The following CEP89 variants were observed in gnomAD, a reference collection of about 807,000 sequenced individuals.
The protein encoded by CEP89 is centrosomal protein of 89 kDa.
A neutral mutation model predicts 97.6 loss-of-function variants in CEP89; 95 were observed. The ratio of observed to expected loss-of-function variants is 0.97; its 90% CI spans 0.82 to 1.15. The LOEUF (loss-of-function observed/expected upper bound fraction) is 1.15. CEP89 is among the 50% of genes most tolerant of loss of function. The pLI, the probability that CEP89 is intolerant of heterozygous loss-of-function variation, is 0.00. For missense variants in CEP89, 869 were observed against 947.7 expected, an observed-to-expected ratio of 0.92 and a Z score of 1.09; for synonymous variants, 354 against 349.1, an observed-to-expected ratio of 1.01 and a Z score of -0.16.
chr19:32,900,279 T>C (rs1969737866), intron 15 of CEP89, among the ~76,000 whole-genome samples: 1 of 148,460 alleles, frequency 6.7e-6, no homozygotes, highest in East Asian at 1.9e-4. Context: ...ACAGTCTTGC[T>C]CTGTCACCCA....
intron 1 of CEP89, among the ~76,000 whole-genome samples, chr19:32,967,109 G>T (rs180735217): frequency 6.6e-6 from 1 of 152,264 alleles, no homozygotes; most frequent in African/African-American, 2.4e-5. Context: ...TTATAGGTGC[G>T]AGTGCTGCAC....
At chr19:32,940,018 A>C in intron 5 of CEP89, 133 bp from the exon 6 acceptor site, 1 of 509,710 alleles carries the variant, frequency 2.0e-6, no homozygotes, top group Admixed American at 3.9e-5. Flanking sequence ...TAAAATTCAC[A>C]GGGTCACAGG....
At chr19:32,947,545 C>CA (rs1304605174) in intron 5 of CEP89, among the ~76,000 whole-genome samples, 1 of 152,122 alleles carries the variant, frequency 6.6e-6, no homozygotes, top group African/African-American at 2.4e-5. Flanking sequence ...GGCTGGGGTA[C>CA]AATGGTGCGA....
At chr19:32,908,788 C>T (rs138059989) in intron 14 of CEP89, among the ~76,000 whole-genome samples, 13 of 152,290 alleles carry the variant, frequency 8.5e-5, no homozygotes, top group African/African-American at 2.2e-4. Flanking sequence ...CCAGCGCTCA[C>T]ACCGGGGGAA....
chr19:32,942,926 G>T (rs1487427498), intron 5 of CEP89, among the ~76,000 whole-genome samples: 1 of 150,522 alleles, frequency 6.6e-6, no homozygotes, highest in African/African-American at 2.5e-5. Context: ...CTGCACTGCA[G>T]CCTCAACCTG....
intron 17 of CEP89, among the ~76,000 whole-genome samples, chr19:32,885,262 A>G (rs1969370028): frequency 6.6e-6 from 1 of 152,188 alleles, no homozygotes; most frequent in Admixed American, 6.5e-5. Flanking sequence ...TTTACAGTTA[A>G]ATATATTCTT....
intron 1 of CEP89, chr19:32,971,448 G>T: frequency 2.1e-6 from 1 of 477,822 alleles, no homozygotes; most frequent in Non-Finnish European, 3.7e-6. Context: ...GGAGGCTAAG[G>T]AGCTCAAGAC....
chr19:32,915,070 G>C (rs1970093171), intron 14 of CEP89, among the ~76,000 whole-genome samples: 2 of 151,524 alleles, frequency 1.3e-5, no homozygotes, highest in African/African-American at 4.9e-5. Flanking sequence ...CCACTATGCT[G>C]TGCATGACCA....
At chr19:32,904,032 T>C (rs1311955272) in intron 14 of CEP89, among the ~76,000 whole-genome samples, 1 of 152,134 alleles carries the variant, frequency 6.6e-6, no homozygotes, top group Non-Finnish European at 1.5e-5. Flanking sequence ...CAGTGGCACA[T>C]GCCTGTAGTC....
At position 32,953,789 on chromosome 19, in the gene CEP89, C is replaced by G; in HGVS notation, c.318G>C (p.Gln106His). The part of the protein sequence containing the change: ...TSQLRPRPNW[Q>H]SEMGRRSSLP... The stretch of plus-strand genomic sequence containing the variant: ...AAGAAGATCTTCTTCCCATCTCACT[C>G]TGCCAATTTGGCCTGTATTAGAATA... The change falls in exon 4 of 19, where the codon CAG becomes CAC. Residue 106 changes from glutamine (Q) to histidine (H), a missense_variant. By Grantham distance (24) the Gln-to-His change is conservative (BLOSUM62 0). Transcript: ENST00000305768. The G allele has an allele frequency of 1.9e-6, 3 of 1,613,604 alleles. No homozygotes were observed. Among genetic ancestry groups the G allele is most frequent in the Non-Finnish European group, 1.7e-6 (2 of 1,179,690 alleles).
chr19:32,926,326 C>T, intron 10 of CEP89, 53 bp from the exon 11 acceptor site: 2 of 1,297,636 alleles, frequency 1.5e-6, no homozygotes, highest in Non-Finnish European at 2.2e-6. Context: ...CTAAACACAA[C>T]CAGAAAATTT....
intron 12 of CEP89, among the ~76,000 whole-genome samples, chr19:32,921,725 G>A (rs1970254168): frequency 6.6e-6 from 1 of 152,122 alleles, no homozygotes; most frequent in African/African-American, 2.4e-5. Flanking sequence ...TGTTCAAGGA[G>A]GGTGCGAGGG....
intron 1 of CEP89, chr19:32,970,837 G>T (rs1005533195): frequency 1.3e-5 from 2 of 152,090 alleles, no homozygotes; most frequent in African/African-American, 4.8e-5. Flanking sequence ...TTGAGACTTG[G>T]CAGAGTGTGA....
chr19:32,903,214 AAAC>A (rs1969819359), intron 14 of CEP89, among the ~76,000 whole-genome samples: 1 of 152,144 alleles, frequency 6.6e-6, no homozygotes, highest in Non-Finnish European at 1.5e-5. Context: ...AAAAGAAAGT[AAAC>A]AAATAAATAA....
At chr19:32,934,201 T>C (rs1029030476) in intron 7 of CEP89, among the ~76,000 whole-genome samples, 2 of 151,426 alleles carry the variant, frequency 1.3e-5, no homozygotes, top group Non-Finnish European at 2.9e-5. Context: ...TGGCAGATGC[T>C]CCCCCAGATG....
intron 4 of CEP89, among the ~76,000 whole-genome samples, chr19:32,949,548 T>A: frequency 6.6e-6 from 1 of 152,122 alleles, no homozygotes; most frequent in East Asian, 1.9e-4. Flanking sequence ...CAAGCCCAGC[T>A]AATTTTTAAA....
In CEP89 at chr19:32,924,004, C is replaced by CT. The variant is rs746080149; in HGVS notation, c.1165-463dup. The stretch of plus-strand genomic sequence containing the variant: ...GTTAGTGTGGGAGTTGGAGGAAGCT[C>CT]TTTTTTTTTTTTTTTTTTTGAGACA... On this transcript the variant is annotated intron_variant, in intron 11 of 18. Coordinates refer to ENST00000305768, the MANE Select transcript of CEP89 (RefSeq NM_032816.5). Among the ~76,000 whole-genome samples the CT allele has an allele frequency of 5.9e-3, 763 of 129,716 alleles. 8 individuals carry two copies. The highest frequency in any genetic ancestry group is 0.015 in the African/African-American group (544 of 35,374). The allele number at this position is 129,716 out of a possible 152,430, so 85.1% of individuals were successfully genotyped here. A position where few individuals can be genotyped will look rare whatever the true frequency, so the allele number is the denominator to read the frequency against.
At chr19:32,933,698 A>G (rs1970524313) in intron 7 of CEP89, 29 bp from the exon 8 acceptor site, 9 of 1,308,800 alleles carry the variant, frequency 6.9e-6, no homozygotes, top group South Asian at 1.2e-5. Flanking sequence ...AAATTTTACA[A>G]TGTTAATTGA....
chr19:32,903,320 T>C (rs1313767870), intron 14 of CEP89, among the ~76,000 whole-genome samples: 1 of 151,772 alleles, frequency 6.6e-6, no homozygotes, highest in African/African-American at 2.4e-5. Flanking sequence ...TCCTGTAACA[T>C]AAAATCTACA....
Sources: allele counts gnomAD v4.1 joint callset (sites outside exome capture counted in the v4.1 genomes callset), GRCh38; gene constraint gnomAD v4.1.1; transcripts MANE v1.5; gene names NCBI Gene and HGNC (gene_info 2026-07-23, HGNC 2026-07-21).